SIPA1L2: variants seen among roughly 807,000 people sequenced by gnomAD.
SIPA1L2 encodes signal induced proliferation associated 1 like 2.
In SIPA1L2, 56 loss-of-function variants were observed where a neutral mutation model predicts 163.9. That is an observed-to-expected ratio of 0.34 (90% CI 0.28 to 0.43). The LOEUF is 0.43. SIPA1L2 is among the 20% of genes least tolerant of loss of function. The pLI, the probability that SIPA1L2 is intolerant of heterozygous loss-of-function variation, is 1.00. For missense variants in SIPA1L2, 1,974 were observed against 2,193.5 expected, an observed-to-expected ratio of 0.90 and a Z score of 2.00; for synonymous variants, 877 against 865.7, an observed-to-expected ratio of 1.01 and a Z score of -0.23.
chr1:232,459,394 GGA>G (rs1193763721), intron 10 of SIPA1L2, among the ~76,000 whole-genome samples: 4 of 152,136 alleles, frequency 2.6e-5, no homozygotes, highest in Non-Finnish European at 4.4e-5. Context: ...AACAGAGAAA[GGA>G]GAGAGTATGA....
chr1:232,531,478 A>G (rs1656934483), intron 2 of SIPA1L2, among the ~76,000 whole-genome samples: 3 of 152,154 alleles, frequency 2.0e-5, no homozygotes, highest in Non-Finnish European at 4.4e-5. Context: ...CTGTTTCATC[A>G]TATGTAAAGG....
chr1:232,492,776 A>C (rs965292968), intron 4 of SIPA1L2, among the ~76,000 whole-genome samples: 3 of 152,180 alleles, frequency 2.0e-5, no homozygotes, highest in Non-Finnish European at 4.4e-5. Flanking sequence ...TCTTGGAAGT[A>C]ACTAACCTGT....
chr1:232,584,384 C>T (rs146145104), intron 1 of SIPA1L2, among the ~76,000 whole-genome samples: 1 of 152,202 alleles, frequency 6.6e-6, no homozygotes, highest in African/African-American at 2.4e-5. Context: ...GCCACCACGC[C>T]CAGCGAATTT....
chr1:232,525,748 T>C (rs1180293993), intron 2 of SIPA1L2, among the ~76,000 whole-genome samples: 12 of 152,260 alleles, frequency 7.9e-5, no homozygotes, highest in Non-Finnish European at 7.4e-5. Context: ...ATGGGGATCA[T>C]GTCTGCTTAG....
At chr1:232,610,731 T>C (rs1172571301) in intron 1 of SIPA1L2, among the ~76,000 whole-genome samples, 2 of 152,060 alleles carry the variant, frequency 1.3e-5, no homozygotes, top group Non-Finnish European at 2.9e-5. Flanking sequence ...TGGCACCGTG[T>C]CATCTGTTCC....
At chr1:232,577,318 C>T (rs1409706244) in intron 1 of SIPA1L2, among the ~76,000 whole-genome samples, 1 of 152,134 alleles carries the variant, frequency 6.6e-6, no homozygotes, top group Non-Finnish European at 1.5e-5. Context: ...AAAAAAGATT[C>T]CTTTCAAAAT....
chr1:232,618,872 G>C (rs1662647300), intron 1 of SIPA1L2, among the ~76,000 whole-genome samples: 1 of 152,026 alleles, frequency 6.6e-6, no homozygotes, highest in South Asian at 2.1e-4. Context: ...TATATCCAAA[G>C]TAATTTTTCC....
intron 22 of SIPA1L2, among the ~76,000 whole-genome samples, chr1:232,402,017 G>A (rs1660373348): frequency 6.6e-6 from 1 of 152,176 alleles, no homozygotes; most frequent in Non-Finnish European, 1.5e-5. Context: ...CAGAGGACAG[G>A]ACTCATAGAG....
chr1:232,543,604 G>A (rs1657825391), intron 2 of SIPA1L2, among the ~76,000 whole-genome samples: 1 of 152,220 alleles, frequency 6.6e-6, no homozygotes, highest in Non-Finnish European at 1.5e-5. Flanking sequence ...AGTGGCTCAA[G>A]CTGCCTATAA....
intron 10 of SIPA1L2, among the ~76,000 whole-genome samples, chr1:232,457,203 C>T (rs896160362): frequency 1.3e-5 from 2 of 152,168 alleles, no homozygotes; most frequent in African/African-American, 4.8e-5. Context: ...CCAGCAGCTT[C>T]TGAGTCAAAA....
intron 2 of SIPA1L2, among the ~76,000 whole-genome samples, chr1:232,572,754 TA>T (rs1558277632): frequency 5.2e-5 from 6 of 116,016 alleles, no homozygotes; most frequent in East Asian, 4.5e-4. Flanking sequence ...TATATATATA[TA>T]TATATATATA....
chr1:232,594,849 C>T (rs1661171216), intron 1 of SIPA1L2, among the ~76,000 whole-genome samples: 1 of 152,304 alleles, frequency 6.6e-6, no homozygotes, highest in East Asian at 1.9e-4. Context: ...AGGTCTCAGG[C>T]AGGCCAGTGG....
Position 232,465,151 on chromosome 1 carries a change from T to C in SIPA1L2, c.2509A>G (p.Lys837Glu). The change falls in exon 9 of 23, where the codon AAA becomes GAA. Residue 837 changes from lysine to glutamate, a missense_variant. Around this residue, in one of 3 missense-constraint regions of SIPA1L2, gnomAD observed 288 missense variants for 418.9 expected, o/e 0.69. Coordinates refer to ENST00000674635, the MANE Select transcript of SIPA1L2 (RefSeq NM_020808.5). The surrounding 1 kb of genome is among the most constrained non-coding windows in gnomAD (Gnocchi z 4.1). Reference protein sequence around the residue: ...KFSFITLGAKKKEKVKPRKDA... With the variant: ...KFSFITLGAKEKEKVKPRKDA... ...TTCCTTGGCTTTACCTTCTCCTTTT[T>C]CTTCGCACCCAGCGTAATGAAGCTG... 1 of 1,614,218 alleles carries C rather than the reference T, an allele frequency of 6.2e-7. No homozygotes were observed. Among genetic ancestry groups the C allele is most frequent in the African/African-American group, 1.3e-5 (1 of 75,050 alleles).
chr1:232,582,401 A>T (rs1660428262), intron 1 of SIPA1L2, among the ~76,000 whole-genome samples: 7 of 152,272 alleles, frequency 4.6e-5, no homozygotes, highest in Admixed American at 3.9e-4. Flanking sequence ...TAATGAGAAC[A>T]TGTAATATTT....
chr1:232,400,114 C>T (rs1660247900), intron 22 of SIPA1L2, among the ~76,000 whole-genome samples: 1 of 152,146 alleles, frequency 6.6e-6, no homozygotes, highest in South Asian at 2.1e-4. Flanking sequence ...GCCCAAAAGA[C>T]ACTGGTCCTC....
intron 15 of SIPA1L2, among the ~76,000 whole-genome samples, chr1:232,435,399 TG>T (rs1263549469): frequency 6.6e-6 from 1 of 152,244 alleles, no homozygotes; most frequent in African/African-American, 2.4e-5. Context: ...CATAATTCCT[TG>T]TTTAGTAGCA....
chr1:232,459,142 G>A (rs1451622600), intron 10 of SIPA1L2, among the ~76,000 whole-genome samples: 1 of 152,190 alleles, frequency 6.6e-6, no homozygotes, highest in Non-Finnish European at 1.5e-5. Context: ...GACAGTGTAA[G>A]TGGCTTTTTT....
chr1:232,448,376 A>AAAC (rs929117797), intron 10 of SIPA1L2, among the ~76,000 whole-genome samples: 2 of 152,208 alleles, frequency 1.3e-5, no homozygotes, highest in Non-Finnish European at 2.9e-5. Flanking sequence ...AGCCAACATA[A>AAAC]AACAACAACA....
At chr1:232,558,716 T>C (rs553254007) in intron 2 of SIPA1L2, among the ~76,000 whole-genome samples, 1 of 152,350 alleles carries the variant, frequency 6.6e-6, no homozygotes, top group South Asian at 2.1e-4. Context: ...GCATTTCTCC[T>C]GGCTGATGCA....
Sources: gnomAD v4.1 joint callset for allele counts (sites outside exome capture counted in the v4.1 genomes callset) on GRCh38, gnomAD v4.1.1 for gene constraint, gnomAD v4.1.1 regional missense constraint, Gnocchi (gnomAD v3.1) non-coding constraint, MANE v1.5 for transcripts, NCBI Gene and HGNC (gene_info 2026-07-23, HGNC 2026-07-21) for gene names.